The following PXT1 variants were observed in gnomAD, a reference collection of about 807,000 sequenced individuals.
PXT1 encodes the protein peroxisomal testis enriched protein 1.
Under a neutral mutation model 11.0 loss-of-function variants are expected in PXT1, and 11 were observed. That is an observed-to-expected ratio of 1.00 (90% CI 0.63 to 1.66). The LOEUF (loss-of-function observed/expected upper bound fraction) is 1.66. Ranked by LOEUF, PXT1 falls within the 40% of genes most tolerant of loss-of-function variation. The pLI, the probability that PXT1 is intolerant of heterozygous loss-of-function variation, is 0.00. For missense variants in PXT1, 141 were observed against 155.5 expected, an observed-to-expected ratio of 0.91 and a Z score of 0.49; for synonymous variants, 43 against 51.4, an observed-to-expected ratio of 0.84 and a Z score of 0.70.
At chr6:36,424,017 A>G (rs1774565274) in intron 3 of PXT1, among the ~76,000 whole-genome samples, 1 of 152,210 alleles carries the variant, frequency 6.6e-6, no homozygotes, top group South Asian at 2.1e-4. Context: ...GTGAAACTGT[A>G]ATTAGGAAAG....
chr6:36,401,125 T>C (rs1774207295), intron 3 of PXT1, among the ~76,000 whole-genome samples: 1 of 152,002 alleles, frequency 6.6e-6, no homozygotes, highest in Non-Finnish European at 1.5e-5. Flanking sequence ...AAATTAATTT[T>C]AGTAATTTAT....
intron 2 of PXT1, among the ~76,000 whole-genome samples, chr6:36,432,700 G>A (rs1343848935): frequency 6.6e-6 from 1 of 152,168 alleles, no homozygotes; most frequent in Non-Finnish European, 1.5e-5. Context: ...TTAAGAAGTA[G>A]TCAGGTCTCC....
At chr6:36,438,099 C>T (rs113585688) in intron 2 of PXT1, among the ~76,000 whole-genome samples, 7,558 of 152,134 alleles carry the variant, frequency 0.05, 473 homozygotes, top group Admixed American at 0.17. Context: ...GGATTATAGG[C>T]GTGAGCCACC....
At chr6:36,399,271 G>A (rs970581258) in intron 4 of PXT1, among the ~76,000 whole-genome samples, 70 of 152,038 alleles carry the variant, frequency 4.6e-4, no homozygotes, top group African/African-American at 1.5e-3. Flanking sequence ...TCAGCCTCCC[G>A]AGTAGCTGGG....
At chr6:36,422,343 C>T (rs569034986) in intron 3 of PXT1, among the ~76,000 whole-genome samples, 2 of 152,290 alleles carry the variant, frequency 1.3e-5, no homozygotes, top group African/African-American at 4.8e-5. Context: ...GCTGCTCCCT[C>T]TGTCTGCAAC....
At chr6:36,411,534 T>C (rs1774375824) in intron 3 of PXT1, among the ~76,000 whole-genome samples, 2 of 152,148 alleles carry the variant, frequency 1.3e-5, no homozygotes. Context: ...GAACAGTGCC[T>C]AGAACACAGG....
intron 3 of PXT1, among the ~76,000 whole-genome samples, chr6:36,422,417 T>G (rs1038650704): frequency 1.2e-4 from 18 of 152,218 alleles, no homozygotes; most frequent in Admixed American, 6.5e-5. Context: ...AAGCCTTCTC[T>G]GATCTCCCTG....
chr6:36,431,115 C>T (rs771901365), intron 2 of PXT1, among the ~76,000 whole-genome samples: 5 of 151,930 alleles, frequency 3.3e-5, no homozygotes, highest in Non-Finnish European at 7.4e-5. Context: ...CATGCCTGGC[C>T]GTAAATTGTC....
rs1445741161 is a variant in PXT1, at chr6:36,409,255, A to T, written c.170-8671T>A. On this transcript the variant is annotated intron_variant, in intron 3 of 4. Coordinates refer to ENST00000454782, the MANE Select transcript of PXT1 (RefSeq NM_152990.4). Reference sequence around the variant, plus strand: ...GAACAAGGCCAGAACACTGAAGAGAATGGGAGGCAGGTCAACAACAGATGA... The same window carrying T: ...GAACAAGGCCAGAACACTGAAGAGATTGGGAGGCAGGTCAACAACAGATGA... Among the ~76,000 whole-genome samples the T allele has an allele frequency of 2.6e-5, 4 of 152,200 alleles. No homozygotes were observed. In the East Asian group the frequency reaches 7.7e-4, roughly 29 times the overall value.
intron 2 of PXT1, among the ~76,000 whole-genome samples, chr6:36,432,953 A>C (rs1304559334): frequency 1.3e-5 from 2 of 151,746 alleles, no homozygotes; most frequent in African/African-American, 2.4e-5. Flanking sequence ...GGTACTTCTT[A>C]GGGGAAAAAA....
intron 2 of PXT1, among the ~76,000 whole-genome samples, chr6:36,428,221 G>A (rs1002153583): frequency 2.6e-5 from 4 of 151,984 alleles, no homozygotes; most frequent in Admixed American, 6.6e-5. Flanking sequence ...TGAGGCGGGC[G>A]GATCATGAGG....
At chr6:36,415,551 A>C (rs2127414213) in intron 3 of PXT1, among the ~76,000 whole-genome samples, 1 of 152,290 alleles carries the variant, frequency 6.6e-6, no homozygotes, top group South Asian at 2.1e-4. Flanking sequence ...GATGAATGGA[A>C]ATTTTCATGA....
chr6:36,426,540 T>C (rs62402162), intron 2 of PXT1, among the ~76,000 whole-genome samples: 3,683 of 152,030 alleles, frequency 0.024, 50 homozygotes, highest in Non-Finnish European at 0.027. Flanking sequence ...CTGGCTAATT[T>C]TGTATTTTTA....
intron 2 of PXT1, among the ~76,000 whole-genome samples, chr6:36,434,642 A>G (rs1330149632): frequency 6.6e-6 from 1 of 152,198 alleles, no homozygotes; most frequent in East Asian, 1.9e-4. Flanking sequence ...TATACTTGTA[A>G]TTTCCAAGAG....
intron 2 of PXT1, among the ~76,000 whole-genome samples, chr6:36,436,051 T>C (rs1774757479): frequency 6.7e-6 from 1 of 150,196 alleles, no homozygotes; most frequent in African/African-American, 2.5e-5. Context: ...TTAACAATGA[T>C]TGGTTTTTAA....
chr6:36,409,051 C>G (rs935935650), intron 3 of PXT1, among the ~76,000 whole-genome samples: 1 of 152,152 alleles, frequency 6.6e-6, no homozygotes, highest in Admixed American at 6.5e-5. Context: ...TGCCTTTCCA[C>G]TGCCAGGCAT....
intron 2 of PXT1, among the ~76,000 whole-genome samples, chr6:36,432,057 C>A (rs1673068487): frequency 6.6e-6 from 1 of 152,054 alleles, no homozygotes; most frequent in African/African-American, 2.4e-5. Context: ...GGCCACAGCG[C>A]AAGACTCGTC....
At position 36,425,767 on chromosome 6, in the gene PXT1, G is replaced by A. The variant is rs1404915369; in HGVS notation, c.169+147C>T. The A allele has an allele frequency of 1.2e-5, 3 of 248,050 alleles. No homozygotes were observed. In the East Asian group the frequency reaches 2.3e-4, roughly 19 times the overall value. 15.4% of individuals were successfully genotyped at this position (248,050 alleles called of 1,614,324 possible). ...GGCACCACTGCACTTCAGCCTGGGT[G>A]ACAGAGCGAGACTCTGTCTCAAAAA... is the stretch of plus-strand genomic sequence containing the variant. On this transcript the variant is annotated intron_variant, in intron 3 of 4. Transcript: ENST00000454782.
intron 2 of PXT1, among the ~76,000 whole-genome samples, chr6:36,436,802 T>C (rs1774770093): frequency 6.6e-6 from 1 of 152,338 alleles, no homozygotes; most frequent in East Asian, 1.9e-4. Flanking sequence ...CTTGTGTCCA[T>C]TGGGAAATAT....
Sources: allele counts gnomAD v4.1 joint callset (sites outside exome capture counted in the v4.1 genomes callset), GRCh38; gene constraint gnomAD v4.1.1; transcripts MANE v1.5; gene names NCBI Gene and HGNC (gene_info 2026-07-23, HGNC 2026-07-21).